ANKS1B: variants seen among roughly 807,000 people sequenced by gnomAD.
The protein encoded by ANKS1B is ankyrin repeat and sterile alpha motif domain containing 1B.
Under a neutral mutation model 148.3 loss-of-function variants are expected in ANKS1B, and 36 were observed. The ratio of observed to expected loss-of-function variants is 0.24; its 90% confidence interval spans 0.19 to 0.32. ANKS1B has a LOEUF of 0.32. Among genes scored for constraint, ANKS1B ranks in the 10% least tolerant of loss-of-function variants. The pLI is 1.00. For synonymous variants in ANKS1B, 542 were observed against 560.8 expected, an observed-to-expected ratio of 0.97 and a Z score of 0.47; for missense variants, 1,157 against 1,542.6, an observed-to-expected ratio of 0.75 and a Z score of 4.19.
rs922201935 is a variant in ANKS1B at position 98,998,728 on chromosome 12, C to A, written c.2778+54429G>T. 3.4e-4 allele frequency among the ~76,000 whole-genome samples: 52 copies of A among 152,192 alleles called. 1 individual carries two copies. On this transcript the variant is annotated intron_variant, in intron 17 of 26. Coordinates refer to ENST00000683438, the MANE Select transcript of ANKS1B (RefSeq NM_001352186.2). The stretch of plus-strand genomic sequence containing the variant: ...ACTCTAGAGAAGCTTAGTCTCTGAG[C>A]AATCACTGCATATACTAATATATTC...
chr12:99,007,588 T>C (rs906703737), intron 17 of ANKS1B, among the ~76,000 whole-genome samples: 9 of 152,322 alleles, frequency 5.9e-5, no homozygotes, highest in Admixed American at 5.9e-4. Context: ...TTATAGCATA[T>C]GCAACTGCAT....
intron 9 of ANKS1B, among the ~76,000 whole-genome samples, chr12:99,647,283 C>T (rs753066306): frequency 3.9e-5 from 6 of 152,102 alleles, no homozygotes; most frequent in Non-Finnish European, 8.8e-5. Flanking sequence ...TTTAGGGCTG[C>T]AGACTGTCCC....
intron 17 of ANKS1B, among the ~76,000 whole-genome samples, chr12:99,051,758 A>C (rs1398972867): frequency 6.6e-6 from 1 of 152,232 alleles, no homozygotes; most frequent in East Asian, 1.9e-4. Flanking sequence ...CAATCACATT[A>C]ATTTGTCTAT....
chr12:99,502,878 A>G (rs1435884612), intron 10 of ANKS1B, among the ~76,000 whole-genome samples: 1 of 152,036 alleles, frequency 6.6e-6, no homozygotes, highest in Non-Finnish European at 1.5e-5. Context: ...TCAAAAATCC[A>G]TTTTTTTCAC....
intron 9 of ANKS1B, among the ~76,000 whole-genome samples, chr12:99,564,612 T>A (rs2097369900): frequency 6.6e-6 from 1 of 152,132 alleles, no homozygotes; most frequent in Non-Finnish European, 1.5e-5. Flanking sequence ...ATAACCTGAA[T>A]GAATACATAA....
At chr12:99,371,883 T>G (rs1316346426) in intron 12 of ANKS1B, among the ~76,000 whole-genome samples, 2 of 152,198 alleles carry the variant, frequency 1.3e-5, no homozygotes, top group Non-Finnish European at 2.9e-5. Flanking sequence ...AATGCTTTAC[T>G]ATTTGTTAAA....
intron 18 of ANKS1B, chr12:98,831,710 T>C: frequency 4.3e-6 from 1 of 232,660 alleles, no homozygotes; most frequent in Non-Finnish European, 8.6e-6. Flanking sequence ...CCTGATCTAT[T>C]GCTTCAGTTG....
At chr12:98,828,805 C>G (rs1314659082) in intron 19 of ANKS1B, among the ~76,000 whole-genome samples, 1 of 152,204 alleles carries the variant, frequency 6.6e-6, no homozygotes, top group Non-Finnish European at 1.5e-5. Context: ...GTTAATCCTT[C>G]CCCCCAAACT....
At chr12:98,853,408 A>G (rs2099542957) in intron 17 of ANKS1B, among the ~76,000 whole-genome samples, 2 of 152,070 alleles carry the variant, frequency 1.3e-5, no homozygotes, top group South Asian at 4.2e-4. Flanking sequence ...GGGCCCATGG[A>G]GAGCGTGATG....
chr12:99,770,615 T>C (rs924027485), intron 8 of ANKS1B, among the ~76,000 whole-genome samples: 1 of 152,200 alleles, frequency 6.6e-6, no homozygotes, highest in African/African-American at 2.4e-5. Flanking sequence ...ATTCATCTTC[T>C]GAAAGGTCAG....
intron 11 of ANKS1B, among the ~76,000 whole-genome samples, chr12:99,425,366 C>A (rs529700261): frequency 1.1e-4 from 17 of 151,670 alleles, no homozygotes; most frequent in Non-Finnish European, 2.2e-4. Context: ...TATTCTAATT[C>A]TTTTCTGTTA....
At chr12:99,456,823 A>G (rs2095855349) in intron 10 of ANKS1B, among the ~76,000 whole-genome samples, 2 of 152,190 alleles carry the variant, frequency 1.3e-5, no homozygotes, top group Admixed American at 6.5e-5. Flanking sequence ...GGAGAATAGA[A>G]ATCTAAAAGT....
intron 17 of ANKS1B, among the ~76,000 whole-genome samples, chr12:98,914,217 G>T (rs973634017): frequency 5.3e-5 from 8 of 151,824 alleles, no homozygotes; most frequent in Admixed American, 2.6e-4. Context: ...ACTCTCTCTT[G>T]ATCCTATTAC....
At chr12:99,936,821 A>C (rs2094786346) in intron 1 of ANKS1B, among the ~76,000 whole-genome samples, 1 of 152,194 alleles carries the variant, frequency 6.6e-6, no homozygotes, top group African/African-American at 2.4e-5. Flanking sequence ...TAAGTATTCA[A>C]TGGTTATATA....
chr12:98,753,849 T>C (rs1390363040), intron 25 of ANKS1B, among the ~76,000 whole-genome samples: 1 of 152,232 alleles, frequency 6.6e-6, no homozygotes, highest in Non-Finnish European at 1.5e-5. Flanking sequence ...TTCCTGCCCA[T>C]CTCCACCCTC....
chr12:98,804,296 T>C (rs10492275), intron 20 of ANKS1B, among the ~76,000 whole-genome samples: 6,179 of 152,306 alleles, frequency 0.041, 189 homozygotes, highest in East Asian at 0.13. Flanking sequence ...TTTATCAGAT[T>C]TAGTGCTATT....
At chr12:99,295,994 C>A (rs186315590) in intron 12 of ANKS1B, among the ~76,000 whole-genome samples, 322 of 152,230 alleles carry the variant, frequency 2.1e-3, no homozygotes, top group African/African-American at 7.0e-3. Context: ...TTTATCTTTG[C>A]AAAATATTTA....
chr12:98,792,800 C>T (rs2098894761), intron 22 of ANKS1B, among the ~76,000 whole-genome samples: 1 of 152,116 alleles, frequency 6.6e-6, no homozygotes, highest in Non-Finnish European at 1.5e-5. Context: ...TTTTCTTTCC[C>T]TGAATAGTAT....
chr12:98,888,062 G>A (rs1223842773), intron 17 of ANKS1B, among the ~76,000 whole-genome samples: 1 of 152,108 alleles, frequency 6.6e-6, no homozygotes, highest in Admixed American at 6.6e-5. Context: ...GCTAAAGGTG[G>A]TTATTTCTGG....
Sources: allele counts gnomAD v4.1 joint callset (sites outside exome capture counted in the v4.1 genomes callset), GRCh38; gene constraint gnomAD v4.1.1; transcripts MANE v1.5; gene names NCBI Gene and HGNC (gene_info 2026-07-23, HGNC 2026-07-21).